Variants in CDH18 observed in about 807,000 individuals in gnomAD.
CDH18 encodes the protein cadherin-18.
A neutral mutation model predicts 67.9 loss-of-function variants in CDH18; 31 were observed. The observed-to-expected ratio is 0.46, with a 90% CI of 0.34 to 0.62. CDH18 has a LOEUF of 0.62. Among genes scored for constraint, CDH18 ranks in the 20% least tolerant of loss-of-function variants. The pLI is 0.01. For missense variants in CDH18, 890 were observed against 975.5 expected, an observed-to-expected ratio of 0.91 and a Z score of 1.17; for synonymous variants, 362 against 347.2, an observed-to-expected ratio of 1.04 and a Z score of -0.48.
rs542285610 is a variant in CDH18, at chr5:20,572,939, A to G, written c.-580+2523T>C. Among the ~76,000 whole-genome samples the G allele has an allele frequency of 4.6e-4, 70 of 152,256 alleles. 1 individual carries two copies. In the South Asian group the frequency reaches 0.014, roughly 30 times the overall value. On this transcript the variant is annotated intron_variant, in intron 1 of 14. Transcript: ENST00000507958. ...ATTTCAGACTGAGGGTGATGCTTAC[A>G]TATGTGACTCCTAGCACACTTGTCT...
intron 10 of CDH18, among the ~76,000 whole-genome samples, chr5:19,504,981 T>C (rs1743865679): frequency 6.6e-6 from 1 of 152,170 alleles, no homozygotes; most frequent in Non-Finnish European, 1.5e-5. Context: ...TATTTCTTAA[T>C]ATTTTTACAA....
At chr5:20,185,628 T>C (rs979116109) in intron 2 of CDH18, among the ~76,000 whole-genome samples, 1 of 152,066 alleles carries the variant, frequency 6.6e-6, no homozygotes, top group African/African-American at 2.4e-5. Context: ...TCTGTAGATA[T>C]CTTCAGAGCT....
At chr5:20,251,331 G>T (rs181912197) in intron 2 of CDH18, among the ~76,000 whole-genome samples, 1 of 152,006 alleles carries the variant, frequency 6.6e-6, no homozygotes, top group East Asian at 1.9e-4. Flanking sequence ...CCCACCCACT[G>T]TATTTTTGCC....
intron 1 of CDH18, among the ~76,000 whole-genome samples, chr5:20,408,602 G>A (rs974334493): frequency 6.6e-6 from 1 of 151,412 alleles, no homozygotes; most frequent in South Asian, 2.1e-4. Context: ...ACAAAAAAGA[G>A]AAAGAAATGA....
intron 3 of CDH18, among the ~76,000 whole-genome samples, chr5:19,802,928 G>T (rs1488354020): frequency 6.6e-5 from 10 of 152,242 alleles, no homozygotes; most frequent in Non-Finnish European, 1.0e-4. Context: ...TTCCTAAGGT[G>T]TCAGCGTGGC....
intron 2 of CDH18, among the ~76,000 whole-genome samples, chr5:19,906,310 A>G (rs1299941321): frequency 4.6e-5 from 7 of 151,958 alleles, no homozygotes; most frequent in Non-Finnish European, 2.9e-5. Flanking sequence ...TCCCATTAAT[A>G]TTACATCTAA....
intron 2 of CDH18, among the ~76,000 whole-genome samples, chr5:20,220,092 T>G (rs1741105543): frequency 6.6e-6 from 1 of 151,980 alleles, no homozygotes; most frequent in Non-Finnish European, 1.5e-5. Flanking sequence ...ATGAAAATAC[T>G]AATGACATTC....
intron 2 of CDH18, among the ~76,000 whole-genome samples, chr5:20,063,472 A>C (rs971168906): frequency 6.6e-6 from 1 of 152,094 alleles, no homozygotes; most frequent in Non-Finnish European, 1.5e-5. Context: ...TATCATAGCA[A>C]TCCCAAAGAA....
intron 2 of CDH18, among the ~76,000 whole-genome samples, chr5:20,202,532 T>C (rs1398448450): frequency 6.6e-6 from 1 of 152,124 alleles, no homozygotes; most frequent in Non-Finnish European, 1.5e-5. Flanking sequence ...TAAAAATTAG[T>C]CTAAATCTCC....
intron 1 of CDH18, among the ~76,000 whole-genome samples, chr5:20,454,368 T>C (rs1750686452): frequency 6.6e-6 from 1 of 152,116 alleles, no homozygotes; most frequent in South Asian, 2.1e-4. Flanking sequence ...GGAAGAAATT[T>C]ATGTAATAAA....
At chr5:20,161,924 A>C (rs1205887489) in intron 2 of CDH18, among the ~76,000 whole-genome samples, 3 of 152,170 alleles carry the variant, frequency 2.0e-5, no homozygotes. Flanking sequence ...TTGGCTTAGC[A>C]TTATTAATTC....
Position 20,483,561 on chromosome 5 carries a change from TAAAAG to T in CDH18, c.-580+91896_-580+91900del, listed in dbSNP as rs1310921389. On this transcript the variant is annotated intron_variant, in intron 1 of 14. Coordinates refer to the CDH18 transcript ENST00000507958. ...AACCAAAACAGCATGGTACTGGCATTAAAAGAAAAGACACATAAATCAATGAATCA... is the reference window on the plus strand; with the variant it reads ...AACCAAAACAGCATGGTACTGGCATTAAAAGACACATAAATCAATGAATCA... 4.0e-5 allele frequency among the ~76,000 whole-genome samples: 6 copies of T among 150,282 alleles called. No individual in the cohort carries two copies. The South Asian group carries it at 6.3e-4, about 16-fold the overall frequency.
chr5:19,641,510 A>C (rs1753990543), intron 5 of CDH18, among the ~76,000 whole-genome samples: 1 of 152,080 alleles, frequency 6.6e-6, no homozygotes, highest in Admixed American at 6.5e-5. Flanking sequence ...CGTGAGATTT[A>C]TCAATTGGTT....
intron 5 of CDH18, among the ~76,000 whole-genome samples, chr5:19,699,388 A>G (rs909414331): frequency 7.2e-5 from 11 of 152,134 alleles, no homozygotes; most frequent in African/African-American, 2.7e-4. Context: ...GTTCAACTAT[A>G]CAACACAGCT....
At chr5:20,350,024 AG>A (rs1741036505) in intron 1 of CDH18, among the ~76,000 whole-genome samples, 1 of 152,172 alleles carries the variant, frequency 6.6e-6, no homozygotes. Flanking sequence ...AAGCAGAAAT[AG>A]TAAAGCCTGG....
At chr5:20,197,572 C>G (rs930063920) in intron 2 of CDH18, among the ~76,000 whole-genome samples, 13 of 152,136 alleles carry the variant, frequency 8.5e-5, no homozygotes, top group African/African-American at 3.1e-4. Flanking sequence ...TGCACAAATA[C>G]CACTCCACAG....
At chr5:19,960,608 CA>C (rs140928441) in intron 2 of CDH18, among the ~76,000 whole-genome samples, 8,684 of 128,364 alleles carry the variant, frequency 0.068, 1,211 homozygotes, top group African/African-American at 0.27. Context: ...TATATACACA[CA>C]CGTGTATATA....
At chr5:19,524,400 TTC>T (rs1747411305) in intron 9 of CDH18, among the ~76,000 whole-genome samples, 1 of 151,030 alleles carries the variant, frequency 6.6e-6, no homozygotes, top group Non-Finnish European at 1.5e-5. Context: ...ATGCTAAAAC[TTC>T]TTTTAGAAAC....
chr5:20,119,168 T>C (rs996967112), intron 2 of CDH18, among the ~76,000 whole-genome samples: 3 of 152,198 alleles, frequency 2.0e-5, no homozygotes, highest in African/African-American at 7.2e-5. Context: ...TATTGGGTTG[T>C]ATTGTTGGAT....
Sources: gnomAD v4.1 joint callset for allele counts (sites outside exome capture counted in the v4.1 genomes callset) on GRCh38, gnomAD v4.1.1 for gene constraint, MANE v1.5 for transcripts, NCBI Gene and HGNC (gene_info 2026-07-23, HGNC 2026-07-21) for gene names.